The following SYNDIG1 variants were observed in gnomAD, a reference collection of about 807,000 sequenced individuals.
SYNDIG1 encodes synapse differentiation inducing 1.
Under a neutral mutation model 19.4 loss-of-function variants are expected in SYNDIG1, and 9 were observed. The ratio of observed to expected loss-of-function variants is 0.46; its 90% CI spans 0.28 to 0.81. SYNDIG1 has a LOEUF of 0.81. Among genes scored for constraint, SYNDIG1 ranks in the 30% least tolerant of loss-of-function variants. The probability of loss-of-function intolerance (pLI) is 0.12; values close to 1 mark genes in which losing one functional copy is unlikely to be tolerated. For synonymous variants in SYNDIG1, 141 were observed against 145.9 expected, an observed-to-expected ratio of 0.97 and a Z score of 0.24; for missense variants, 311 against 343.3, an observed-to-expected ratio of 0.91 and a Z score of 0.74.
At chr20:24,526,203 T>G (rs1014660040) in intron 1 of SYNDIG1, among the ~76,000 whole-genome samples, 2 of 152,218 alleles carry the variant, frequency 1.3e-5, no homozygotes, top group African/African-American at 4.8e-5. Flanking sequence ...TTAAATTAAT[T>G]TGTACCTATT....
intron 3 of SYNDIG1, among the ~76,000 whole-genome samples, chr20:24,649,883 T>TA: frequency 6.6e-6 from 1 of 152,368 alleles, no homozygotes; most frequent in East Asian, 1.9e-4. Context: ...TAAAAGACTT[T>TA]ATTTAAAACA....
intron 3 of SYNDIG1, among the ~76,000 whole-genome samples, chr20:24,652,772 C>G (rs528358691): frequency 6.8e-6 from 1 of 146,364 alleles, no homozygotes; most frequent in Admixed American, 6.6e-5. Flanking sequence ...GGGAGGTGAA[C>G]ACACGGGAGC....
At chr20:24,626,256 G>A (rs541631642) in intron 3 of SYNDIG1, among the ~76,000 whole-genome samples, 10 of 150,608 alleles carry the variant, frequency 6.6e-5, no homozygotes, top group African/African-American at 1.5e-4. Context: ...GCTGCCGGGC[G>A]GAGATGCTCC....
intron 1 of SYNDIG1, among the ~76,000 whole-genome samples, chr20:24,498,899 C>T (rs561880294): frequency 6.6e-6 from 1 of 152,282 alleles, no homozygotes; most frequent in South Asian, 2.1e-4. Context: ...TCCAGATGCA[C>T]AACCAGAAGC....
intron 2 of SYNDIG1, among the ~76,000 whole-genome samples, chr20:24,554,397 A>G (rs1248094884): frequency 6.6e-6 from 1 of 152,214 alleles, no homozygotes; most frequent in African/African-American, 2.4e-5. Context: ...TTCAAAGGGA[A>G]TGCTTCCAGT....
Position 24,584,831 on chromosome 20 carries a change from C to G in SYNDIG1, c.481-25C>G, listed in dbSNP as rs199764200. 2.5e-6 allele frequency: 4 copies of G among 1,614,046 alleles called. No individual in the cohort carries two copies. The Admixed American group carries it at 6.7e-5, about 27-fold the overall frequency. ...TCCTTTATTAATCTTCTCTCCTGTC[C>G]TGTCCTGCTGGTTCTCTCTTGCAGA... On this transcript the variant is annotated intron_variant, in intron 2 of 3. Coordinates refer to ENST00000376862, the MANE Select transcript of SYNDIG1 (RefSeq NM_024893.3).
chr20:24,481,682 A>G (rs764565128), intron 1 of SYNDIG1, among the ~76,000 whole-genome samples: 1 of 152,230 alleles, frequency 6.6e-6, no homozygotes, highest in Non-Finnish European at 1.5e-5. Flanking sequence ...GCAGACAGGT[A>G]GGTCAGACAG....
chr20:24,613,230 C>A (rs896833543), intron 3 of SYNDIG1, among the ~76,000 whole-genome samples: 5 of 152,216 alleles, frequency 3.3e-5, no homozygotes, highest in African/African-American at 1.2e-4. Flanking sequence ...GGCCAACTTA[C>A]TCCCTGTCCC....
At chr20:24,654,978 G>A (rs1351651843) in intron 3 of SYNDIG1, among the ~76,000 whole-genome samples, 1 of 152,306 alleles carries the variant, frequency 6.6e-6, no homozygotes, top group Non-Finnish European at 1.5e-5. Flanking sequence ...TTGCAGGCAC[G>A]CAGAGTCTGC....
At chr20:24,585,652 T>C (rs1028717055) in intron 3 of SYNDIG1, among the ~76,000 whole-genome samples, 7 of 152,250 alleles carry the variant, frequency 4.6e-5, no homozygotes, top group Non-Finnish European at 8.8e-5. Context: ...GAATTTTCTC[T>C]AGCAAGTTCA....
Position 24,549,000 on chromosome 20 carries a change from CAT to C in SYNDIG1, c.480+5426_480+5427del, listed in dbSNP as rs528436269. On this transcript the variant is annotated intron_variant, in intron 2 of 3. Transcript: ENST00000376862. ...TATAGTGATGTTTTGATACATGTAA[CAT>C]ATGGTGATCAGATCAGGGTAATTAG... Among the ~76,000 whole-genome samples, 465 of 152,068 alleles carry C rather than the reference CAT, an allele frequency of 3.1e-3. 2 individuals are homozygous for C. The highest frequency in any genetic ancestry group is 0.011 in the African/African-American group (436 of 41,488).
Position 24,563,911 on chromosome 20 carries a change from G to A in SYNDIG1, c.480+20334G>A, listed in dbSNP as rs112128248. Among the ~76,000 whole-genome samples the A allele has an allele frequency of 2.6e-3, 402 of 152,220 alleles. 3 individuals carry two copies. Among genetic ancestry groups the A allele is most frequent in the African/African-American group, 9.0e-3 (376 of 41,558 alleles). ...GAACTATTGCACCTGGCAAAATCCC[G>A]AATTTTAGTTGGTTGGGGGGACAGA... On this transcript the variant is annotated intron_variant, in intron 2 of 3. Transcript: ENST00000376862.
At chr20:24,525,882 G>A (rs1441331121) in intron 1 of SYNDIG1, among the ~76,000 whole-genome samples, 2 of 151,998 alleles carry the variant, frequency 1.3e-5, no homozygotes, top group Non-Finnish European at 2.9e-5. Context: ...TATAAATTTT[G>A]CTTTATATAA....
intron 1 of SYNDIG1, among the ~76,000 whole-genome samples, chr20:24,471,415 C>T (rs904548116): frequency 1.3e-5 from 2 of 151,786 alleles, no homozygotes; most frequent in Middle Eastern, 3.4e-3. Flanking sequence ...TTTTGGAGGT[C>T]CACACCACAG....
chr20:24,559,336 T>A (rs905868334), intron 2 of SYNDIG1, among the ~76,000 whole-genome samples: 11 of 152,126 alleles, frequency 7.2e-5, no homozygotes, highest in Admixed American at 3.3e-4. Context: ...AATTGGTTAA[T>A]GGGGTACAAG....
intron 3 of SYNDIG1, among the ~76,000 whole-genome samples, chr20:24,626,976 T>G (rs1384516520): frequency 2.0e-5 from 3 of 152,164 alleles, no homozygotes; most frequent in African/African-American, 7.2e-5. Context: ...CTCGGCAGGC[T>G]GAGGCAGGAG....
intron 3 of SYNDIG1, among the ~76,000 whole-genome samples, chr20:24,599,222 G>T (rs967234845): frequency 6.6e-6 from 1 of 152,068 alleles, no homozygotes; most frequent in Admixed American, 6.6e-5. Context: ...GCTAACAGAT[G>T]TATGAAAAAA....
rs538965681 is a variant in SYNDIG1 at position 24,598,267 on chromosome 20, A to C, written c.618+13274A>C. On this transcript the variant is annotated intron_variant, in intron 3 of 3. Coordinates refer to ENST00000376862, the MANE Select transcript of SYNDIG1 (RefSeq NM_024893.3). ...CAAAGTGCTTTAGACGCACAATTCC[A>C]CCTAATTCCCACAGCAGCTCCATGA... Among the ~76,000 whole-genome samples the C allele has an allele frequency of 4.6e-5, 7 of 152,328 alleles. No individual in the cohort carries two copies. The South Asian group carries it at 1.4e-3, about 32-fold the overall frequency.
At chr20:24,616,396 C>T (rs1359450746) in intron 3 of SYNDIG1, among the ~76,000 whole-genome samples, 2 of 152,264 alleles carry the variant, frequency 1.3e-5, no homozygotes, top group African/African-American at 4.8e-5. Context: ...TCGCGCCCCT[C>T]CTCCACCTGC....
Sources: gnomAD v4.1 joint callset for allele counts (sites outside exome capture counted in the v4.1 genomes callset) on GRCh38, gnomAD v4.1.1 for gene constraint, MANE v1.5 for transcripts, NCBI Gene and HGNC (gene_info 2026-07-23, HGNC 2026-07-21) for gene names.